NAV2: variants seen among roughly 807,000 people sequenced by gnomAD.
NAV2 encodes the protein neuron navigator 2.
A neutral mutation model predicts 223.2 loss-of-function variants in NAV2; 54 were observed. The ratio of observed to expected loss-of-function variants is 0.24; its 90% CI spans 0.19 to 0.30. NAV2 has a LOEUF of 0.30. Ranked by LOEUF, NAV2 falls within the 10% of genes least tolerant of loss-of-function variation. NAV2 has a pLI of 1.00. For synonymous variants in NAV2, 1,279 were observed against 1,239.3 expected, an observed-to-expected ratio of 1.03 and a Z score of -0.67; for missense variants, 2,806 against 3,147.5, an observed-to-expected ratio of 0.89 and a Z score of 2.60.
intron 4 of NAV2, among the ~76,000 whole-genome samples, chr11:19,879,012 C>T (rs898774773): frequency 6.6e-6 from 1 of 152,116 alleles, no homozygotes; most frequent in Admixed American, 6.5e-5. Context: ...GGTTCCCTTT[C>T]CTCTGTCCCT....
At chr11:19,711,522 C>T (rs895853554), upstream of NAV2, 10 of 152,206 alleles carry the variant, frequency 6.6e-5, no homozygotes, top group Non-Finnish European at 1.5e-4. Flanking sequence ...TCCTAAAGTT[C>T]CCCACCTCCT....
intron 2 of NAV2, among the ~76,000 whole-genome samples, chr11:19,840,419 C>G (rs1224730240): frequency 1.3e-5 from 2 of 152,092 alleles, no homozygotes; most frequent in Non-Finnish European, 2.9e-5. Flanking sequence ...TTAAAGTGTC[C>G]CAAATGACTT....
intron 1 of NAV2, among the ~76,000 whole-genome samples, chr11:19,436,532 TC>T (rs1851222280): frequency 6.6e-6 from 1 of 152,180 alleles, no homozygotes. Flanking sequence ...TTGTTTTTTT[TC>T]CTTTGGTCAA....
chr11:19,886,252 A>G (rs1041608278), intron 5 of NAV2, among the ~76,000 whole-genome samples: 2 of 151,996 alleles, frequency 1.3e-5, no homozygotes, highest in African/African-American at 2.4e-5. Flanking sequence ...CGCTGGGATT[A>G]CAGGTGTGAG....
At chr11:19,474,643 C>T (rs2042062976) in intron 1 of NAV2, among the ~76,000 whole-genome samples, 2 of 152,160 alleles carry the variant, frequency 1.3e-5, no homozygotes, top group South Asian at 4.1e-4. Context: ...ATCTGTAATG[C>T]TGTATAAAAA....
intron 1 of NAV2, among the ~76,000 whole-genome samples, chr11:19,750,008 G>A (rs1256620168): frequency 1.3e-5 from 2 of 152,192 alleles, no homozygotes; most frequent in Admixed American, 1.3e-4. Context: ...ACTTCAAAGG[G>A]ATTCTAATGA....
chr11:19,773,019 G>A (rs887674813), intron 1 of NAV2, among the ~76,000 whole-genome samples: 1 of 152,218 alleles, frequency 6.6e-6, no homozygotes, highest in Admixed American at 6.5e-5. Context: ...AGAAAAGAAG[G>A]TCCACTGATG....
rs370023867 is a variant in NAV2, at chr11:20,103,636, C to T, written c.6573-17C>T. On this transcript the variant is annotated splice_polypyrimidine_tract_variant and intron_variant, in intron 33 of 37. Transcript: ENST00000349880. ...GGCTTGGAATCACAGCTTTCTTTTC[C>T]TTTATTTTATCCGCAGCCCTTACAT... 109 of 1,613,592 alleles carry T rather than the reference C, an allele frequency of 6.8e-5. No individual in the cohort carries two copies. In the African/African-American group the frequency reaches 1.1e-3, roughly 17 times the overall value.
intron 1 of NAV2, among the ~76,000 whole-genome samples, chr11:19,491,051 G>A (rs2042609628): frequency 6.6e-6 from 1 of 152,092 alleles, no homozygotes. Flanking sequence ...TAGGTCTCAA[G>A]AGTGGGCTTA....
At chr11:19,646,709 G>A (rs1025565476) in intron 1 of NAV2, among the ~76,000 whole-genome samples, 4 of 152,152 alleles carry the variant, frequency 2.6e-5, no homozygotes, top group African/African-American at 7.2e-5. Flanking sequence ...TATACTCCAG[G>A]CACTGAGCTA....
intron 1 of NAV2, among the ~76,000 whole-genome samples, chr11:19,539,347 C>T (rs2044277456): frequency 6.6e-6 from 1 of 152,196 alleles, no homozygotes; most frequent in African/African-American, 2.4e-5. Context: ...CACAGAGGCC[C>T]TTCTCCCACT....
At chr11:19,471,643 C>T (rs1340817091) in intron 1 of NAV2, among the ~76,000 whole-genome samples, 1 of 152,200 alleles carries the variant, frequency 6.6e-6, no homozygotes, top group Non-Finnish European at 1.5e-5. Flanking sequence ...CAACCATTAC[C>T]TTCCATTACC....
At chr11:19,618,209 GA>G (rs1437136132) in intron 1 of NAV2, among the ~76,000 whole-genome samples, 1 of 152,058 alleles carries the variant, frequency 6.6e-6, no homozygotes, top group African/African-American at 2.4e-5. Context: ...TTGTTGCATG[GA>G]TGGATGGATG....
chr11:19,394,893 G>A lies in NAV2; in HGVS notation c.75+43866G>A, dbSNP rs145001098. On this transcript the variant is annotated intron_variant, in intron 1 of 37. Transcript: ENST00000360655. Reference sequence around the variant, plus strand: ...TGTCCTTATCTGAAAACCAACCAAGGAATGGCTGAATGTAACCTGCAGTGT... The same window carrying A: ...TGTCCTTATCTGAAAACCAACCAAGAAATGGCTGAATGTAACCTGCAGTGT... Among the ~76,000 whole-genome samples the A allele has an allele frequency of 2.6e-3, 391 of 152,306 alleles. 1 individual carries two copies. The highest frequency in any genetic ancestry group is 0.01 in the Middle Eastern group (3 of 294).
chr11:19,724,066 CT>C (rs1455594219), intron 1 of NAV2, among the ~76,000 whole-genome samples: 1 of 152,172 alleles, frequency 6.6e-6, no homozygotes, highest in African/African-American at 2.4e-5. Context: ...CCTTTAAGTA[CT>C]AGAGACTTAG....
chr11:19,892,684 G>A, intron 6 of NAV2, 90 bp downstream of exon 6: 2 of 1,407,064 alleles, frequency 1.4e-6, no homozygotes, highest in Non-Finnish European at 1.9e-6. Context: ...GGGTCATGGG[G>A]AGGGGTTGCA....
At chr11:19,701,144 C>T (rs57899674) in intron 1 of NAV2, among the ~76,000 whole-genome samples, 7,644 of 152,060 alleles carry the variant, frequency 0.05, 626 homozygotes, top group African/African-American at 0.17. Flanking sequence ...ATCCAGCCTC[C>T]GTGTTCCCCT....
intron 1 of NAV2, chr11:19,502,777 A>G (rs1365049097): frequency 2.0e-5 from 3 of 152,222 alleles, no homozygotes; most frequent in Non-Finnish European, 4.4e-5. Flanking sequence ...AGTTGTAACT[A>G]TTGGCTAGAA....
At chr11:19,371,596 G>A (rs899077625) in intron 1 of NAV2, among the ~76,000 whole-genome samples, 4 of 152,160 alleles carry the variant, frequency 2.6e-5, no homozygotes, top group Middle Eastern at 3.2e-3. Context: ...ACTAGCTGAA[G>A]TAACTGATGG....
Sources: gnomAD v4.1 joint callset for allele counts (sites outside exome capture counted in the v4.1 genomes callset) on GRCh38, gnomAD v4.1.1 for gene constraint, MANE v1.5 for transcripts, NCBI Gene and HGNC (gene_info 2026-07-23, HGNC 2026-07-21) for gene names.